Variants in TBC1D12 observed in about 807,000 individuals in gnomAD.
TBC1D12 encodes the protein TBC1 domain family, member 12.
A neutral mutation model predicts 86.7 loss-of-function variants in TBC1D12; 56 were observed. The ratio of observed to expected loss-of-function variants is 0.65; its 90% CI spans 0.52 to 0.81. The LOEUF (loss-of-function observed/expected upper bound fraction) is 0.81. TBC1D12 is among the 30% of genes least tolerant of loss of function. TBC1D12 has a pLI of 0.00. For missense variants in TBC1D12, 1,023 were observed against 1,038.8 expected (o/e 0.98, Z 0.21); for synonymous variants, 421 against 411.7 (o/e 1.02, Z -0.27).
At chr10:94,444,438 T>C (rs2055423244) in intron 2 of TBC1D12, among the ~76,000 whole-genome samples, 1 of 152,082 alleles carries the variant, frequency 6.6e-6, no homozygotes, top group Non-Finnish European at 1.5e-5. Flanking sequence ...TTTTTTCTTT[T>C]GGTAAAGTCT....
chr10:94,481,077 C>G (rs1183054987), intron 3 of TBC1D12, among the ~76,000 whole-genome samples: 1 of 138,876 alleles, frequency 7.2e-6, no homozygotes, highest in African/African-American at 2.7e-5. Flanking sequence ...AGCAGTGGGA[C>G]TCATCAATAG....
intron 6 of TBC1D12, among the ~76,000 whole-genome samples, chr10:94,500,901 CA>C (rs2056386777): frequency 1.3e-5 from 2 of 151,690 alleles, no homozygotes; most frequent in African/African-American, 4.8e-5. Context: ...AGTAAAAATA[CA>C]AAAATTAGCT....
At chr10:94,513,400 A>G (rs1361888222) in intron 9 of TBC1D12, among the ~76,000 whole-genome samples, 2 of 152,102 alleles carry the variant, frequency 1.3e-5, no homozygotes. Flanking sequence ...CAGCCTGCAC[A>G]ACACAGCAAG....
rs527624026 is a variant in TBC1D12, at chr10:94,454,806, A to G, written c.1095+12787A>G. On this transcript the variant is annotated intron_variant, in intron 2 of 12. Transcript: ENST00000225235. ...CTGTTGATTTTTTTGGACTTTCTCC[A>G]TAGACAATCATGTCATCTGTAAACA... Among the ~76,000 whole-genome samples the G allele has an allele frequency of 5.9e-5, 9 of 152,340 alleles. No individual in the cohort carries two copies. In the East Asian group the frequency reaches 1.3e-3, roughly 23 times the overall value.
At chr10:94,514,976 C>T (rs2056571987) in intron 9 of TBC1D12, among the ~76,000 whole-genome samples, 1 of 137,932 alleles carries the variant, frequency 7.2e-6, no homozygotes. Flanking sequence ...GGCGGGATCT[C>T]GGCTCACTGC....
At chr10:94,429,045 CTTTTT>C (rs200788629) in intron 1 of TBC1D12, among the ~76,000 whole-genome samples, 3 of 145,452 alleles carry the variant, frequency 2.1e-5, no homozygotes, top group Non-Finnish European at 4.6e-5. Context: ...CCTGGATAGT[CTTTTT>C]TTTTTTTAAT....
At chr10:94,483,973 G>A (rs571782728) in intron 3 of TBC1D12, among the ~76,000 whole-genome samples, 15 of 151,978 alleles carry the variant, frequency 9.9e-5, no homozygotes, top group Admixed American at 8.5e-4. Flanking sequence ...GAGAGATAGG[G>A]GTCTAGTTTT....
chr10:94,420,554 A>T (rs891521931), intron 1 of TBC1D12, among the ~76,000 whole-genome samples: 1 of 152,146 alleles, frequency 6.6e-6, no homozygotes, highest in African/African-American at 2.4e-5. Flanking sequence ...CAACCCAGCA[A>T]TCTGTTTTTG....
intron 11 of TBC1D12, among the ~76,000 whole-genome samples, chr10:94,527,744 G>A (rs1479595233): frequency 6.6e-6 from 1 of 152,094 alleles, no homozygotes. Flanking sequence ...TTTGTATAGG[G>A]TGAGAAGTGG....
intron 1 of TBC1D12, among the ~76,000 whole-genome samples, chr10:94,430,346 G>C (rs2055198892): frequency 6.6e-6 from 1 of 152,180 alleles, no homozygotes; most frequent in African/African-American, 2.4e-5. Flanking sequence ...TTCAGGATTA[G>C]GTAGTCACAA....
At chr10:94,524,244 G>T (rs183151443) in intron 11 of TBC1D12, among the ~76,000 whole-genome samples, 2 of 152,248 alleles carry the variant, frequency 1.3e-5, no homozygotes, top group East Asian at 3.9e-4. Flanking sequence ...GAGATTTTGG[G>T]AAGCTAAGCC....
At chr10:94,418,916 C>T (rs2134059805) in intron 1 of TBC1D12, among the ~76,000 whole-genome samples, 1 of 151,462 alleles carries the variant, frequency 6.6e-6, no homozygotes, top group Non-Finnish European at 1.5e-5. Flanking sequence ...GCTCTGTTGC[C>T]CAGACTGGAG....
chr10:94,404,287 T>TC (rs1468126786), intron 1 of TBC1D12, among the ~76,000 whole-genome samples: 2 of 152,202 alleles, frequency 1.3e-5, no homozygotes, highest in Admixed American at 6.5e-5. Flanking sequence ...CTCCTTTTTT[T>TC]CCCCAATAAC....
chr10:94,471,566 T>A (rs2055906727), intron 2 of TBC1D12, among the ~76,000 whole-genome samples: 1 of 152,236 alleles, frequency 6.6e-6, no homozygotes, highest in African/African-American at 2.4e-5. Context: ...CCCTGATCCA[T>A]GCCTTTGTTT....
At chr10:94,486,637 A>G (rs977075124) in intron 3 of TBC1D12, among the ~76,000 whole-genome samples, 1 of 151,714 alleles carries the variant, frequency 6.6e-6, no homozygotes, top group Non-Finnish European at 1.5e-5. Context: ...ATTGATTTCT[A>G]GTTTTATTCC....
chr10:94,466,416 A>G (rs1487214584), intron 2 of TBC1D12, among the ~76,000 whole-genome samples: 1 of 151,216 alleles, frequency 6.6e-6, no homozygotes, highest in African/African-American at 2.4e-5. Context: ...TATTGACAAC[A>G]TATATATATG....
intron 3 of TBC1D12, among the ~76,000 whole-genome samples, chr10:94,475,169 T>C (rs2134146964): frequency 6.6e-6 from 1 of 152,356 alleles, no homozygotes; most frequent in Admixed American, 6.5e-5. Flanking sequence ...TGGCTCTTTA[T>C]GTCTGTTTCT....
chr10:94,444,725 C>T (rs1296687363), intron 2 of TBC1D12, among the ~76,000 whole-genome samples: 1 of 151,264 alleles, frequency 6.6e-6, no homozygotes, highest in Admixed American at 6.6e-5. Flanking sequence ...GCCAAGACCT[C>T]ACATTCTCTT....
chr10:94,500,313 TA>T lies in TBC1D12; in HGVS notation c.1508del (p.Asn503IlefsTer44). 6.2e-7 allele frequency: 1 copy of T among 1,613,640 alleles called. No individual in the cohort carries two copies. Among genetic ancestry groups the T allele is most frequent in the Non-Finnish European group, 8.5e-7 (1 of 1,179,772 alleles). ...KVWSLAVGNELNITPELYEIF... is the reference protein window; with the variant it reads ...KVWSLAVGNEXNITPELYEIF... ...TGGAGTCTAGCTGTAGGAAATGAAC[TA>T]AATATCACTCCTGGTTTGTATTCTA... is the stretch of plus-strand genomic sequence containing the variant. On this transcript the variant is annotated frameshift_variant, in exon 6 of 13. Coordinates refer to ENST00000225235, the MANE Select transcript of TBC1D12 (RefSeq NM_015188.2). LOFTEE classifies it high-confidence loss of function.
Sources: gnomAD v4.1 joint callset for allele counts (sites outside exome capture counted in the v4.1 genomes callset) on GRCh38, gnomAD v4.1.1 for gene constraint, MANE v1.5 for transcripts, NCBI Gene and HGNC (gene_info 2026-07-23, HGNC 2026-07-21) for gene names.